The following QRFPR variants were observed in gnomAD, a reference collection of about 807,000 sequenced individuals.
QRFPR encodes pyroglutamylated RF-amide peptide receptor.
In QRFPR, 37 loss-of-function variants were observed where a neutral mutation model predicts 31.3. The observed-to-expected ratio is 1.18, with a 90% CI of 0.91 to 1.56. The LOEUF (loss-of-function observed/expected upper bound fraction) is 1.56, where lower values mean the gene tolerates loss of function less well. QRFPR is among the 40% of genes most tolerant of loss of function. The pLI is 0.00. For missense variants in QRFPR, 542 were observed against 532.5 expected (o/e 1.02, Z -0.18); for synonymous variants, 197 against 192.0 (o/e 1.03, Z -0.22).
intron 1 of QRFPR, among the ~76,000 whole-genome samples, chr4:121,354,551 T>C (rs1439195303): frequency 6.6e-6 from 1 of 152,092 alleles, no homozygotes; most frequent in Non-Finnish European, 1.5e-5. Context: ...TATTTCTTTC[T>C]CCTGTCTAAT....
At chr4:121,373,725 T>C (rs1726297686) in intron 1 of QRFPR, among the ~76,000 whole-genome samples, 1 of 152,236 alleles carries the variant, frequency 6.6e-6, no homozygotes, top group African/African-American at 2.4e-5. Context: ...AGCTCTCTGT[T>C]CTGAATTGGC....
At chr4:121,343,094 C>T (rs1481157218) in intron 1 of QRFPR, among the ~76,000 whole-genome samples, 1 of 152,168 alleles carries the variant, frequency 6.6e-6, no homozygotes, top group East Asian at 1.9e-4. Flanking sequence ...GGGAACTCAC[C>T]AATGTTCAGG....
At chr4:121,369,221 G>A (rs28477518) in intron 1 of QRFPR, among the ~76,000 whole-genome samples, 6,717 of 152,210 alleles carry the variant, frequency 0.044, 544 homozygotes, top group African/African-American at 0.15. Context: ...TAGAGACAGG[G>A]TTTCATTGTG....
At chr4:121,335,182 G>C (rs1725407930) in intron 3 of QRFPR, among the ~76,000 whole-genome samples, 1 of 151,886 alleles carries the variant, frequency 6.6e-6, no homozygotes, top group Non-Finnish European at 1.5e-5. Flanking sequence ...AAAATATTTA[G>C]GGTATTTTTT....
At chr4:121,347,327 G>A (rs1414221211) in intron 1 of QRFPR, among the ~76,000 whole-genome samples, 1 of 151,874 alleles carries the variant, frequency 6.6e-6, no homozygotes, top group African/African-American at 2.4e-5. Flanking sequence ...TCTACTGCTG[G>A]GGGCACTACC....
chr4:121,378,225 C>T (rs908439039), intron 1 of QRFPR, among the ~76,000 whole-genome samples: 9 of 152,088 alleles, frequency 5.9e-5, no homozygotes, highest in Non-Finnish European at 1.2e-4. Flanking sequence ...ATATTACTCT[C>T]CTTCAGTATT....
Position 121,380,197 on chromosome 4 carries a change from GAGAGAGAGAGAGAGAGAGAGA to G in QRFPR, c.340+90_340+110del, listed in dbSNP as rs1726452221. The G allele has an allele frequency of 3.5e-4, 153 of 440,462 alleles. 2 individuals are homozygous for G. Among genetic ancestry groups the G allele is most frequent in the Middle Eastern group, 9.2e-4 (2 of 2,180 alleles). 27.3% of individuals were successfully genotyped at this position (440,462 alleles called of 1,614,324 possible). ...AGACAGACGAGAGAGGAGAGAGAGA[GAGAGAGAGAGAGAGAGAGAGA>G]GAGAGAGAGAGAGAGAGAGAGAGAG... is the stretch of plus-strand genomic sequence containing the variant. On this transcript the variant is annotated intron_variant, in intron 1 of 5. Coordinates refer to ENST00000394427, the MANE Select transcript of QRFPR (RefSeq NM_198179.3).
chr4:121,362,320 T>A (rs1349462146), intron 1 of QRFPR, among the ~76,000 whole-genome samples: 2 of 80,462 alleles, frequency 2.5e-5, no homozygotes, highest in Admixed American at 1.1e-4. Flanking sequence ...TTTAAAAGCA[T>A]TTTTTTTTCT....
In QRFPR at chr4:121,329,613, C is replaced by T. The variant is rs1387943774; in HGVS notation, c.997G>A (p.Ala333Thr). Residue 333 changes from alanine (A) to threonine (T), a missense_variant, in exon 6 of 6, where the codon GCA becomes ACA. By Grantham distance (58) the Ala-to-Thr change is moderately conservative (BLOSUM62 0). Coordinates refer to ENST00000394427, the MANE Select transcript of QRFPR (RefSeq NM_198179.3). The part of the protein sequence containing the change: ...SNSICNPIVY[A>T]FMNENFKKNV... ...TTTTTGAAGTTTTCATTCATAAATG[C>T]ATAGACAATGGGATTACAGATGGAG... is the stretch of plus-strand genomic sequence containing the variant. 19 of 1,612,570 alleles carry T rather than the reference C, an allele frequency of 1.2e-5. No homozygotes were observed. The highest frequency in any genetic ancestry group is 1.6e-5 in the Non-Finnish European group (19 of 1,179,324).
At chr4:121,375,255 T>C (rs1726328467) in intron 1 of QRFPR, among the ~76,000 whole-genome samples, 1 of 152,154 alleles carries the variant, frequency 6.6e-6, no homozygotes, top group Non-Finnish European at 1.5e-5. Context: ...CTCAAACCCA[T>C]CAGACTGTGA....
chr4:121,359,667 A>ATGTGTGTG, intron 1 of QRFPR, among the ~76,000 whole-genome samples: 1 of 151,296 alleles, frequency 6.6e-6, no homozygotes, highest in Non-Finnish European at 1.5e-5. Context: ...GTATATATAT[A>ATGTGTGTG]TATGTGTGTG....
chr4:121,353,338 T>C (rs549438863), intron 1 of QRFPR, among the ~76,000 whole-genome samples: 3 of 152,210 alleles, frequency 2.0e-5, no homozygotes, highest in Non-Finnish European at 4.4e-5. Flanking sequence ...CCACCAACAG[T>C]GTATGAGGTT....
intron 1 of QRFPR, among the ~76,000 whole-genome samples, chr4:121,343,370 C>G (rs1207002685): frequency 2.0e-5 from 3 of 152,228 alleles, no homozygotes; most frequent in African/African-American, 7.2e-5. Context: ...CTTCCCAATC[C>G]TTTTTGGGGG....
chr4:121,329,463 C>G lies in QRFPR; in HGVS notation c.1147G>C (p.Val383Leu). Reference protein sequence around the residue: ...KAKFSLRENPVEETKGEAFSD... With the variant: ...KAKFSLRENPLEETKGEAFSD... ...AATGCTTCTCCTTTGGTTTCCTCCA[C>G]TGGATTCTCTCTGAGGGAAAACTTT... Residue 383 changes from valine (V) to leucine (L), a missense_variant, in exon 6 of 6, where the codon GTG becomes CTG. By Grantham distance (32) the Val-to-Leu change is conservative. Transcript: ENST00000394427. 6.2e-7 allele frequency: 1 copy of G among 1,614,172 alleles called. No homozygotes were observed. The highest frequency in any genetic ancestry group is 8.5e-7 in the Non-Finnish European group (1 of 1,180,020).
chr4:121,341,437 C>A (rs368172381), intron 1 of QRFPR, among the ~76,000 whole-genome samples: 1 of 152,168 alleles, frequency 6.6e-6, no homozygotes, highest in Non-Finnish European at 1.5e-5. Flanking sequence ...AGCAGAAATT[C>A]TCTCTTCAAC....
chr4:121,338,201 C>T (rs999869798), intron 2 of QRFPR, among the ~76,000 whole-genome samples: 2 of 152,210 alleles, frequency 1.3e-5, no homozygotes, highest in African/African-American at 4.8e-5. Context: ...TATTACCATA[C>T]ACATCTGTTC....
At chr4:121,373,462 C>T (rs1424506816) in intron 1 of QRFPR, among the ~76,000 whole-genome samples, 1 of 152,126 alleles carries the variant, frequency 6.6e-6, no homozygotes, top group Non-Finnish European at 1.5e-5. Flanking sequence ...TGTTGGACCT[C>T]TGTTTAATTT....
Position 121,329,323 on chromosome 4 carries a change from A to T in QRFPR, c.1287T>A (p.Ser429Arg). The change falls in exon 6 of 6, where the codon AGT (serine) becomes AGA (arginine). Residue 429 changes from serine (S) to arginine (R), a missense_variant. Ser to Arg is a moderately radical substitution (Grantham distance 110, BLOSUM62 -1). Coordinates refer to ENST00000394427, the MANE Select transcript of QRFPR (RefSeq NM_198179.3). ...SELAENSPLD[S>R]GH ...GAAGATATTGTTATAATTAATGCCC[A>T]CTGTCTAAAGGAGAATTCTCAGCCA... is the stretch of plus-strand genomic sequence containing the variant. 6.2e-7 allele frequency: 1 copy of T among 1,601,004 alleles called. No homozygotes were observed. The highest frequency in any genetic ancestry group is 8.5e-7 in the Non-Finnish European group (1 of 1,173,890).
At chr4:121,336,970 C>G in intron 2 of QRFPR, 102 bp from the exon 3 acceptor site, 1 of 1,065,744 alleles carries the variant, frequency 9.4e-7, no homozygotes, top group Non-Finnish European at 1.5e-6. Context: ...GGCAGCTGTT[C>G]TCTGCCCTAG....
Sources: allele counts gnomAD v4.1 joint callset (sites outside exome capture counted in the v4.1 genomes callset), GRCh38; gene constraint gnomAD v4.1.1; transcripts MANE v1.5; gene names NCBI Gene and HGNC (gene_info 2026-07-23, HGNC 2026-07-21).